PPFIA2: variants seen among roughly 807,000 people sequenced by gnomAD.
PPFIA2 encodes PPFI scaffold protein A2, also known as liprin-alpha-2.
A neutral mutation model predicts 175.5 loss-of-function variants in PPFIA2; 46 were observed. The ratio of observed to expected loss-of-function variants is 0.26; its 90% confidence interval spans 0.21 to 0.34. PPFIA2 has a LOEUF of 0.34. Ranked by LOEUF, PPFIA2 falls within the 10% of genes least tolerant of loss-of-function variation. The pLI, the probability that PPFIA2 is intolerant of heterozygous loss-of-function variation, is 1.00. For missense variants in PPFIA2, 1,179 were observed against 1,506.1 expected (o/e 0.78, Z 3.60); for synonymous variants, 568 against 511.4 (o/e 1.11, Z -1.49).
chr12:81,564,249 G>A (rs576178952), intron 4 of PPFIA2, among the ~76,000 whole-genome samples: 23 of 151,936 alleles, frequency 1.5e-4, no homozygotes, highest in Non-Finnish European at 3.2e-4. Context: ...CATTTGAAAT[G>A]AGAAAATTTA....
rs544922022 is a variant in PPFIA2 at position 81,289,574 on chromosome 12, G to A, written c.2925+5261C>T. Among the ~76,000 whole-genome samples, 4 of 151,884 alleles carry A rather than the reference G, an allele frequency of 2.6e-5. No individual in the cohort carries two copies. The East Asian group carries it at 7.7e-4, about 29-fold the overall frequency. Reference sequence around the variant, plus strand: ...ATAAAATACAATTTTGTCAAAGTCTGGGGAAGGCATTGTAAATGTCCAGAA... The same window carrying A: ...ATAAAATACAATTTTGTCAAAGTCTAGGGAAGGCATTGTAAATGTCCAGAA... On this transcript the variant is annotated intron_variant, in intron 24 of 32. Transcript: ENST00000549396.
intron 22 of PPFIA2, among the ~76,000 whole-genome samples, chr12:81,318,406 A>T (rs1288055472): frequency 6.6e-6 from 1 of 151,756 alleles, no homozygotes; most frequent in African/African-American, 2.4e-5. Flanking sequence ...GTTTTTTCTT[A>T]GGAGCTACAG....
At chr12:81,360,495 CT>C (rs2061441776) in intron 15 of PPFIA2, among the ~76,000 whole-genome samples, 1 of 151,666 alleles carries the variant, frequency 6.6e-6, no homozygotes, top group Non-Finnish European at 1.5e-5. Flanking sequence ...CAGAGTCTAT[CT>C]TTTTTCAGAG....
chr12:81,312,875 G>A (rs1204785056), intron 22 of PPFIA2, among the ~76,000 whole-genome samples: 1 of 151,974 alleles, frequency 6.6e-6, no homozygotes, highest in East Asian at 1.9e-4. Context: ...CAGAACATAA[G>A]AAAGTGTAAA....
chr12:81,748,489 A>T (rs562663925), intron 3 of PPFIA2, among the ~76,000 whole-genome samples: 3 of 144,812 alleles, frequency 2.1e-5, no homozygotes, highest in Non-Finnish European at 3.1e-5. Context: ...CTCTTCCATG[A>T]TCATGAGAAC....
At chr12:81,426,663 CTTATTTATTTAT>C (rs144612518) in intron 7 of PPFIA2, among the ~76,000 whole-genome samples, 1 of 151,662 alleles carries the variant, frequency 6.6e-6, no homozygotes, top group Non-Finnish European at 1.5e-5. Flanking sequence ...TTTCATCCAT[CTTATTTATTTAT>C]TTATTTATTT....
At chr12:81,274,896 T>C (rs56358071) in intron 28 of PPFIA2, among the ~76,000 whole-genome samples, 29,692 of 152,122 alleles carry the variant, frequency 0.2, 2,992 homozygotes, top group Middle Eastern at 0.22. Context: ...AGTTTTTTTT[T>C]CCTCAGAGCT....
intron 3 of PPFIA2, among the ~76,000 whole-genome samples, chr12:81,690,425 A>C (rs6539576): frequency 0.89 from 135,713 of 152,000 alleles, 60,858 homozygotes; most frequent in East Asian, 1. Context: ...ACTGAATTTG[A>C]ATTTCAGGAT....
intron 1 of PPFIA2, 165 bp from the exon 2 acceptor site, chr12:81,758,672 GC>G (rs1329520214): frequency 3.0e-6 from 1 of 330,166 alleles, no homozygotes; most frequent in Non-Finnish European, 6.1e-6. Flanking sequence ...TACAAATTTT[GC>G]TTTGGGAAGC....
chr12:81,410,420 T>A (rs886936289), intron 7 of PPFIA2, among the ~76,000 whole-genome samples: 1 of 152,110 alleles, frequency 6.6e-6, no homozygotes, highest in East Asian at 1.9e-4. Context: ...ATACCCTTGC[T>A]GGAATCCTTT....
At chr12:81,750,178 A>G (rs2083563897) in intron 3 of PPFIA2, among the ~76,000 whole-genome samples, 1 of 143,946 alleles carries the variant, frequency 6.9e-6, no homozygotes, top group South Asian at 2.3e-4. Context: ...TTGAGGAAAA[A>G]CATTATAGGT....
chr12:81,341,190 C>G lies in PPFIA2; in HGVS notation c.2281G>C (p.Asp761His). The G allele has an allele frequency of 6.2e-7, 1 of 1,611,792 alleles. No homozygotes were observed. Among genetic ancestry groups the G allele is most frequent in the South Asian group, 1.1e-5 (1 of 90,992 alleles). The change falls in exon 20 of 33, where the codon GAT becomes CAT. Residue 761 changes from aspartate to histidine, a missense_variant. Coordinates refer to ENST00000549396, the MANE Select transcript of PPFIA2 (RefSeq NM_003625.5). ...ATTGTTGCTTTGTCCTCTCGACCAT[C>G]TTCTTCCACAACTGCAATCTAGAAG... Reference protein sequence around the residue: ...HRRKIAVVEEDGREDKATIKC... With the variant: ...HRRKIAVVEEHGREDKATIKC...
chr12:81,433,375 G>A (rs748402781), intron 7 of PPFIA2, among the ~76,000 whole-genome samples: 1 of 152,120 alleles, frequency 6.6e-6, no homozygotes, highest in Non-Finnish European at 1.5e-5. Context: ...GTTCCCTTCT[G>A]TATTTTGCTT....
At chr12:81,447,512 C>T (rs1480897613) in intron 5 of PPFIA2, among the ~76,000 whole-genome samples, 1 of 152,142 alleles carries the variant, frequency 6.6e-6, no homozygotes, top group Non-Finnish European at 1.5e-5. Flanking sequence ...TCAGCTTAAA[C>T]ATCATCTCTC....
At chr12:81,392,900 C>A (rs544861936) in intron 8 of PPFIA2, among the ~76,000 whole-genome samples, 55 of 152,048 alleles carry the variant, frequency 3.6e-4, no homozygotes, top group African/African-American at 1.3e-3. Context: ...ATCTTTTATA[C>A]AATCTATGAG....
rs570251444 is a variant in PPFIA2 at position 81,491,862 on chromosome 12, G to A, written c.304-33996C>T. Among the ~76,000 whole-genome samples, 308 of 152,114 alleles carry A rather than the reference G, an allele frequency of 2.0e-3. 1 individual carries two copies. Among genetic ancestry groups the A allele is most frequent in the Non-Finnish European group, 3.3e-3 (222 of 67,962 alleles). On this transcript the variant is annotated intron_variant, in intron 4 of 32. Transcript: ENST00000549396. The stretch of plus-strand genomic sequence containing the variant: ...AATACTTCTCTAAAAGGAACACTCT[G>A]CTTCAGGGAAGAAAGAATGTTTACA...
rs564825838 is a variant in PPFIA2 at position 81,620,092 on chromosome 12, G to A, written c.303+56699C>T. ...GGAGAACGGCGTGAACCTGGGAGGC[G>A]GAGCTTGCAGTGAGCCGAGATCGCG... On this transcript the variant is annotated intron_variant, in intron 4 of 32. Transcript: ENST00000549396. Among the ~76,000 whole-genome samples the A allele has an allele frequency of 1.1e-4, 17 of 147,836 alleles. No individual in the cohort carries two copies. In the East Asian group the frequency reaches 3.1e-3, roughly 27 times the overall value.
At chr12:81,343,690 T>C (rs2058555294) in intron 19 of PPFIA2, among the ~76,000 whole-genome samples, 1 of 152,140 alleles carries the variant, frequency 6.6e-6, no homozygotes, top group Non-Finnish European at 1.5e-5. Context: ...GTGAAAGCTC[T>C]ACTCAATTAT....
intron 7 of PPFIA2, among the ~76,000 whole-genome samples, chr12:81,414,025 C>T (rs775265855): frequency 6.6e-6 from 1 of 151,662 alleles, no homozygotes; most frequent in Non-Finnish European, 1.5e-5. Flanking sequence ...CTCATTTAAT[C>T]TTTCCAGTAA....
Sources: allele counts gnomAD v4.1 joint callset (sites outside exome capture counted in the v4.1 genomes callset), GRCh38; gene constraint gnomAD v4.1.1; transcripts MANE v1.5; gene names NCBI Gene and HGNC (gene_info 2026-07-23, HGNC 2026-07-21).